The following CPZ variants were observed in gnomAD, a reference collection of about 807,000 sequenced individuals.
The protein encoded by CPZ is VEZT/CPZ fusion.
In CPZ, 103 loss-of-function variants were observed where a neutral mutation model predicts 61.8. That is an observed-to-expected ratio of 1.67 (90% CI 1.42 to 1.96). The LOEUF is 1.96. CPZ is among the 30% of genes most tolerant of loss of function. The pLI is 0.00. For missense variants in CPZ, 1,461 were observed against 914.9 expected (o/e 1.60, Z -7.70); for synonymous variants, 551 against 373.7 (o/e 1.47, Z -5.47).
intron 9 of CPZ, among the ~76,000 whole-genome samples, chr4:8,614,735 A>C (rs1160590000): frequency 6.6e-6 from 1 of 152,116 alleles, no homozygotes. Flanking sequence ...AGTCCCTGTG[A>C]GCAAGGATGT....
intron 9 of CPZ, among the ~76,000 whole-genome samples, chr4:8,616,398 C>T (rs1716164523): frequency 6.6e-6 from 1 of 152,188 alleles, no homozygotes; most frequent in African/African-American, 2.4e-5. Flanking sequence ...CCGTCCACTG[C>T]AGGCTGATGC....
chr4:8,617,672 G>C (rs1716295501), intron 9 of CPZ, among the ~76,000 whole-genome samples: 1 of 152,174 alleles, frequency 6.6e-6, no homozygotes, highest in African/African-American at 2.4e-5. Context: ...GCAGGGCCCG[G>C]GCAGGGGGCA....
intron 8 of CPZ, among the ~76,000 whole-genome samples, chr4:8,613,491 T>C (rs1234544530): frequency 6.6e-6 from 1 of 152,150 alleles, no homozygotes; most frequent in Non-Finnish European, 1.5e-5. Context: ...CAGAGCTAGC[T>C]GGACCAGAGA....
At chr4:8,611,708 C>G (rs529341703) in intron 7 of CPZ, among the ~76,000 whole-genome samples, 1 of 152,260 alleles carries the variant, frequency 6.6e-6, no homozygotes, top group East Asian at 1.9e-4. Context: ...CCTGTGGACA[C>G]CATGTCTGTG....
At chr4:8,618,233 G>T in intron 9 of CPZ, 196 bp from the exon 10 acceptor site, 1 of 596,208 alleles carries the variant, frequency 1.7e-6, no homozygotes, top group South Asian at 2.0e-5. Context: ...CAATTGCCAG[G>T]GAGGAAACTG....
intron 7 of CPZ, among the ~76,000 whole-genome samples, chr4:8,609,768 ACT>A (rs1326046608): frequency 2.6e-5 from 4 of 152,230 alleles, no homozygotes; most frequent in Middle Eastern, 3.4e-3. Context: ...AGAAAATAAC[ACT>A]GTTTCCAAGC....
chr4:8,617,347 A>T (rs926106752), intron 9 of CPZ, among the ~76,000 whole-genome samples: 1 of 152,192 alleles, frequency 6.6e-6, no homozygotes, highest in African/African-American at 2.4e-5. Flanking sequence ...TTTCTGGCCC[A>T]GAGAAAAACC....
At chr4:8,602,305 C>G (rs1038922063) in intron 3 of CPZ, 2 of 152,294 alleles carry the variant, frequency 1.3e-5, no homozygotes, top group African/African-American at 4.8e-5. Context: ...CCCGTTAGAC[C>G]TTTCTGTGTA....
At chr4:8,611,022 ATTCCCTCACTCT>A (rs1560299773) in intron 7 of CPZ, 1 of 326,096 alleles carries the variant, frequency 3.1e-6, no homozygotes, top group Non-Finnish European at 6.6e-6. Flanking sequence ...TCATTCACTC[ATTCCCTCACTCT>A]TTCACTTGCT....
At chr4:8,612,276 G>A (rs1422628135) in intron 8 of CPZ, 114 bp downstream of exon 8, 13 of 933,410 alleles carry the variant, frequency 1.4e-5, no homozygotes. Flanking sequence ...GGAGAGCCCG[G>A]AAGACAGGGC....
At chr4:8,594,805 C>G (rs575611932) in intron 1 of CPZ, among the ~76,000 whole-genome samples, 25 of 149,968 alleles carry the variant, frequency 1.7e-4, no homozygotes, top group Admixed American at 4.7e-4. Flanking sequence ...TGGAGTCTCA[C>G]TCTGTCGCCC....
At position 8,614,343 on chromosome 4, in the gene CPZ, T is replaced by C. The variant is rs2302571; in HGVS notation, c.1364-16T>C. 0.46 allele frequency: 731,588 copies of C among 1,579,832 alleles called. 178,497 individuals are homozygous for C. Among genetic ancestry groups the C allele is most frequent in the East Asian group, 0.61 (27,283 of 44,516 alleles). ...CGGCTGACACCCCTGACGTCCCCGCTGTCTCTGTGCCACAGGCATGTCCGA... is the reference window on the plus strand; with the variant it reads ...CGGCTGACACCCCTGACGTCCCCGCCGTCTCTGTGCCACAGGCATGTCCGA... On this transcript the variant is annotated splice_polypyrimidine_tract_variant and intron_variant, in intron 8 of 10. Coordinates refer to ENST00000360986, the MANE Select transcript of CPZ (RefSeq NM_001014447.3).
chr4:8,618,271 G>T, intron 9 of CPZ, 158 bp from the exon 10 acceptor site: 2 of 641,056 alleles, frequency 3.1e-6, no homozygotes, highest in South Asian at 3.8e-5. Context: ...TGACTGACTC[G>T]TTAAAGATGG....
At position 8,619,663 on chromosome 4, in the gene CPZ, C is replaced by G. The variant is rs1190327063; in HGVS notation, c.*46C>G. 2.2e-6 allele frequency: 3 copies of G among 1,382,982 alleles called. No homozygotes were observed. The East Asian group carries it at 7.8e-5, about 36-fold the overall frequency. 85.7% of individuals were successfully genotyped at this position (1,382,982 alleles called of 1,614,324 possible). ...AGGATGTGGAGACCGAGGCCCATCT[C>G]CGCATCCCGGGCTCCTGGCTCTTGA... On this transcript the variant is annotated 3_prime_UTR_variant, in exon 11 of 11. Coordinates refer to ENST00000360986, the MANE Select transcript of CPZ (RefSeq NM_001014447.3).
At chr4:8,595,049 G>A (rs1371976357) in intron 1 of CPZ, among the ~76,000 whole-genome samples, 9 of 152,248 alleles carry the variant, frequency 5.9e-5, no homozygotes, top group African/African-American at 9.6e-5. Context: ...TGGGATTACA[G>A]GCGTGAGCCA....
intron 7 of CPZ, chr4:8,611,313 G>A (rs1445187572): frequency 4.4e-6 from 2 of 455,422 alleles, no homozygotes; most frequent in Non-Finnish European, 4.4e-6. Flanking sequence ...CCACAAAGGA[G>A]GATCTGTGGA....
chr4:8,609,187 T>TTCAC (rs1166678075), intron 7 of CPZ, among the ~76,000 whole-genome samples: 14 of 110,518 alleles, frequency 1.3e-4, no homozygotes, highest in Admixed American at 5.8e-4. Flanking sequence ...CACTCAGGCA[T>TTCAC]TCACTCACTC....
chr4:8,609,358 C>T (rs545486847), intron 7 of CPZ, among the ~76,000 whole-genome samples: 142 of 149,756 alleles, frequency 9.5e-4, no homozygotes, highest in African/African-American at 3.4e-3. Context: ...CTCATTCATT[C>T]ACTCACAAAC....
chr4:8,619,641 A>C lies in CPZ; in HGVS notation c.*24A>C. On this transcript the variant is annotated 3_prime_UTR_variant, in exon 11 of 11. Transcript: ENST00000360986. ...AGCCCCGGCCCCAGCACCCGCCAGG[A>C]TGTGGAGACCGAGGCCCATCTCCGC... is the stretch of plus-strand genomic sequence containing the variant. The C allele has an allele frequency of 6.8e-7, 1 of 1,469,936 alleles. No individual in the cohort carries two copies. The highest frequency in any genetic ancestry group is 9.0e-7 in the Non-Finnish European group (1 of 1,110,806). 91.1% of individuals were successfully genotyped at this position (1,469,936 alleles called of 1,614,324 possible). A position where few individuals can be genotyped will look rare whatever the true frequency, so the allele number is the denominator to read the frequency against.
Sources: gnomAD v4.1 joint callset for allele counts (sites outside exome capture counted in the v4.1 genomes callset) on GRCh38, gnomAD v4.1.1 for gene constraint, MANE v1.5 for transcripts, NCBI Gene and HGNC (gene_info 2026-07-23, HGNC 2026-07-21) for gene names.